The following TF variants were observed in gnomAD, a reference collection of about 807,000 sequenced individuals.
TF encodes the protein serotransferrin.
Under a neutral mutation model 82.4 loss-of-function variants are expected in TF, and 55 were observed. The ratio of observed to expected loss-of-function variants is 0.67; its 90% CI spans 0.54 to 0.84. The LOEUF (loss-of-function observed/expected upper bound fraction) is 0.84, where lower values mean the gene tolerates loss of function less well. TF is among the 40% of genes least tolerant of loss of function. TF has a pLI of 0.00. For synonymous variants in TF, 332 were observed against 332.6 expected (o/e 1.00, Z 0.02); for missense variants, 737 against 868.4 (o/e 0.85, Z 1.90).
At chr3:133,754,745 A>G (rs1343889224) in intron 4 of TF, 74 bp downstream of exon 4, 10 of 1,494,844 alleles carry the variant, frequency 6.7e-6, no homozygotes, top group Admixed American at 5.0e-5. Context: ...TGCACTAGAC[A>G]GTCACCATCA....
At chr3:133,686,089 A>C in the TF span, among the ~76,000 whole-genome samples, 3 of 152,186 alleles carry the variant, frequency 2.0e-5, no homozygotes, top group Non-Finnish European at 2.9e-5. Context: ...CAAAAACAAG[A>C]AATGGGGAAA....
At chr3:133,757,175 A>G (rs566603207) in intron 7 of TF, among the ~76,000 whole-genome samples, 166 bp downstream of exon 7, 1 of 152,350 alleles carries the variant, frequency 6.6e-6, no homozygotes, top group South Asian at 2.1e-4. Flanking sequence ...CCCACAGAGC[A>G]GCAGGGAGCC....
At chr3:133,687,600 A>G in the TF span, among the ~76,000 whole-genome samples, 1 of 152,186 alleles carries the variant, frequency 6.6e-6, no homozygotes, top group African/African-American at 2.4e-5. Context: ...ACCCCCTACC[A>G]CATGGCAACC....
intron 1 of TF, chr3:133,748,088 G>C (rs1933553540): frequency 2.5e-6 from 1 of 401,956 alleles, no homozygotes; most frequent in Non-Finnish European, 4.7e-6. Context: ...GTTCCATGGG[G>C]GGCCAGGGGC....
chr3:133,733,027 T>C, the TF span, among the ~76,000 whole-genome samples: 19 of 152,216 alleles, frequency 1.2e-4, no homozygotes, highest in African/African-American at 3.4e-4. Context: ...TTGTCCTGTG[T>C]TTACTGAATG....
At chr3:133,775,933 C>T (rs547223230) in intron 15 of TF, among the ~76,000 whole-genome samples, 48 of 152,280 alleles carry the variant, frequency 3.2e-4, no homozygotes, top group African/African-American at 1.1e-3. Context: ...AAGACATGCA[C>T]CCAAACGGCA....
chr3:133,751,594 T>C (rs992677008), intron 2 of TF, among the ~76,000 whole-genome samples: 4 of 152,144 alleles, frequency 2.6e-5, no homozygotes, highest in African/African-American at 9.7e-5. Context: ...AGGAGGTAAT[T>C]GTTTAATGTG....
At chr3:133,708,977 T>C in the TF span, among the ~76,000 whole-genome samples, 4 of 152,122 alleles carry the variant, frequency 2.6e-5, no homozygotes, top group South Asian at 2.1e-4. Context: ...CTCCCACCCA[T>C]AGTGAAAGAG....
the TF span, among the ~76,000 whole-genome samples, chr3:133,677,882 T>C: frequency 2.6e-4 from 40 of 152,110 alleles, no homozygotes; most frequent in South Asian, 8.1e-3. Context: ...TTATAATACT[T>C]TAAGTTCTGG....
the TF span, among the ~76,000 whole-genome samples, chr3:133,687,437 T>G: frequency 6.6e-6 from 1 of 152,160 alleles, no homozygotes; most frequent in Non-Finnish European, 1.5e-5. Context: ...GAGATTCACA[T>G]AACACAATTT....
At chr3:133,697,648 C>T in the TF span, among the ~76,000 whole-genome samples, 2 of 152,204 alleles carry the variant, frequency 1.3e-5, no homozygotes, top group African/African-American at 2.4e-5. Flanking sequence ...TGCTGCCCCC[C>T]TGGGCCTTTG....
the TF span, among the ~76,000 whole-genome samples, chr3:133,708,680 G>C: frequency 6.6e-6 from 1 of 150,480 alleles, no homozygotes; most frequent in Non-Finnish European, 1.5e-5. Flanking sequence ...TTTATAATGT[G>C]TGTATTTATA....
intron 7 of TF, 68 bp downstream of exon 7, chr3:133,757,077 G>A (rs2107916909): frequency 6.3e-7 from 1 of 1,597,708 alleles, no homozygotes; most frequent in Middle Eastern, 1.7e-4. Context: ...TTTTCCTCCT[G>A]GCCATCTTGT....
the TF span, among the ~76,000 whole-genome samples, chr3:133,686,738 TA>T: frequency 6.6e-6 from 1 of 152,348 alleles, no homozygotes; most frequent in Middle Eastern, 3.4e-3. Context: ...GGAATGCTTT[TA>T]CACTGTTGGT....
rs1181351956 is a variant in TF at position 133,795,146 on chromosome 3, T to C, written c.*16526T>C. 3 of 152,216 alleles carry C rather than the reference T, an allele frequency of 2.0e-5. No homozygotes were observed. The highest frequency in any genetic ancestry group is 4.8e-5 in the African/African-American group (2 of 41,452). 9.4% of individuals were successfully genotyped at this position (152,216 alleles called of 1,614,324 possible). ...CCTATGGAGAAAACATCAGGTATTATAGAGATTCAGTTGTAGCAAATTAAT... is the reference window on the plus strand; with the variant it reads ...CCTATGGAGAAAACATCAGGTATTACAGAGATTCAGTTGTAGCAAATTAAT... On this transcript the variant is annotated 3_prime_UTR_variant, in exon 17 of 17. Transcript: ENST00000402696.
At chr3:133,760,906 A>G (rs1933977071) in intron 9 of TF, 1 of 152,690 alleles carries the variant, frequency 6.5e-6, no homozygotes, top group Admixed American at 6.5e-5. Flanking sequence ...ATGAAACAAA[A>G]GTAACTAATC....
intron 3 of TF, chr3:133,754,063 G>A: frequency 2.3e-6 from 1 of 438,928 alleles, no homozygotes; most frequent in South Asian, 2.2e-5. Context: ...GGGTCACTCT[G>A]GAGCACACAC....
rs574975008 is a variant in TF at position 133,754,598 on chromosome 3, G to A, written c.429G>A (p.Arg143=). 6.2e-6 allele frequency: 10 copies of A among 1,614,244 alleles called. No homozygotes were observed. Among genetic ancestry groups the A allele is most frequent in the Admixed American group, 5.0e-5 (3 of 60,032 alleles). The change falls in exon 4 of 17, where the codon AGG becomes AGA. Residue 143 remains arginine (R), a synonymous_variant. Transcript: ENST00000402696. Reference sequence around the variant, plus strand: ...AGTCCTGCCACACGGGTCTAGGCAGGTCCGCTGGGTGGAACATCCCCATAG... The same window carrying A: ...AGTCCTGCCACACGGGTCTAGGCAGATCCGCTGGGTGGAACATCCCCATAG... The part of the protein sequence containing the change: ...GKKSCHTGLG[R]SAGWNIPIGL...
Position 133,775,571 on chromosome 3 carries a change from G to A in TF, c.1826G>A (p.Arg609Gln), listed in dbSNP as rs1435007880. ...ARAPNHAVVT[R>Q]KDKEACVHKI... is the part of the protein sequence containing the mutation. ...GCCCCGAATCACGCTGTGGTCACACGGAAAGATAAGGAAGCTTGCGTCCAC... is the reference window on the plus strand; with the variant it reads ...GCCCCGAATCACGCTGTGGTCACACAGAAAGATAAGGAAGCTTGCGTCCAC... Residue 609 changes from arginine to glutamine, a missense_variant, in exon 15 of 17, where the codon CGG (arginine) becomes CAG (glutamine). Coordinates refer to ENST00000402696, the MANE Select transcript of TF (RefSeq NM_001063.4). 16 of 1,614,076 alleles carry A rather than the reference G, an allele frequency of 9.9e-6. No individual in the cohort carries two copies. The highest frequency in any genetic ancestry group is 1.6e-4 in the Middle Eastern group (1 of 6,082).
Sources: gnomAD v4.1 joint callset for allele counts (sites outside exome capture counted in the v4.1 genomes callset) on GRCh38, gnomAD v4.1.1 for gene constraint, MANE v1.5 for transcripts, NCBI Gene and HGNC (gene_info 2026-07-23, HGNC 2026-07-21) for gene names.